Variants in PRCC observed in about 807,000 individuals in gnomAD.
The protein encoded by PRCC is proline-rich protein PRCC.
PRCC carries 10 observed loss-of-function variants against 44.0 expected under a neutral mutation model. The observed-to-expected ratio is 0.23, with a 90% confidence interval of 0.14 to 0.39. The LOEUF (loss-of-function observed/expected upper bound fraction) is 0.39. Among genes scored for constraint, PRCC ranks in the 10% least tolerant of loss-of-function variants. The probability of loss-of-function intolerance (pLI) is 1.00; values close to 1 mark genes in which losing one functional copy is unlikely to be tolerated. For synonymous variants in PRCC, 278 were observed against 259.5 expected (o/e 1.07, Z -0.69); for missense variants, 573 against 624.7 (o/e 0.92, Z 0.88).
chr1:156,794,827 T>C lies in PRCC; in HGVS notation c.1323+19T>C, dbSNP rs1247231321. On this transcript the variant is annotated intron_variant, in intron 5 of 6. Coordinates refer to ENST00000271526, the MANE Select transcript of PRCC (RefSeq NM_005973.5). ...CAGCAAAGTAAGTGGGAAACGTCTA[T>C]TGAGTGGTCAGCTTGGGAAGCTGCA... The C allele has an allele frequency of 1.2e-5, 20 of 1,613,892 alleles. No individual in the cohort carries two copies. The highest frequency in any genetic ancestry group is 1.6e-5 in the Non-Finnish European group (19 of 1,179,914).
chr1:156,798,990 A>G (rs1314020487), intron 6 of PRCC, among the ~76,000 whole-genome samples: 2 of 152,226 alleles, frequency 1.3e-5, no homozygotes, highest in Non-Finnish European at 2.9e-5. Context: ...TTAAGCAGGT[A>G]CAATACTTGA....
intron 5 of PRCC, 69 bp from the exon 6 acceptor site, chr1:156,797,207 C>G (rs1652686888): frequency 1.3e-6 from 2 of 1,593,990 alleles, no homozygotes; most frequent in Non-Finnish European, 1.7e-6. Context: ...TAACACCACA[C>G]CATCTGGGCA....
At chr1:156,799,640 G>C (rs1652773934) in intron 6 of PRCC, among the ~76,000 whole-genome samples, 1 of 152,008 alleles carries the variant, frequency 6.6e-6, no homozygotes, top group African/African-American at 2.4e-5. Context: ...GAAAGGATTT[G>C]AGAGTAGGAT....
At chr1:156,780,351 G>T (rs760214838) in intron 1 of PRCC, among the ~76,000 whole-genome samples, 8 of 152,010 alleles carry the variant, frequency 5.3e-5, no homozygotes, top group South Asian at 2.1e-4. Context: ...GAGCCACTGC[G>T]CCACACTGTC....
intron 1 of PRCC, among the ~76,000 whole-genome samples, chr1:156,781,111 TATC>T (rs1432241740): frequency 2.6e-5 from 4 of 152,140 alleles, no homozygotes; most frequent in Non-Finnish European, 5.9e-5. Flanking sequence ...ACTTTTTTCA[TATC>T]ATGGCACACA....
At chr1:156,786,552 C>T (rs1486988633) in intron 2 of PRCC, 56 bp from the exon 3 acceptor site, 8 of 1,519,818 alleles carry the variant, frequency 5.3e-6, no homozygotes, top group East Asian at 2.3e-5. Context: ...GTTGCTAGTA[C>T]ATAAAATCTC....
At chr1:156,778,275 G>A (rs545112660) in intron 1 of PRCC, among the ~76,000 whole-genome samples, 27 of 152,256 alleles carry the variant, frequency 1.8e-4, no homozygotes, top group African/African-American at 5.8e-4. Context: ...AAGTGAGAAC[G>A]TGTGCTATTT....
At chr1:156,778,817 T>C (rs886306109) in intron 1 of PRCC, among the ~76,000 whole-genome samples, 5 of 151,238 alleles carry the variant, frequency 3.3e-5, no homozygotes, top group African/African-American at 1.2e-4. Context: ...AATTTTTTTT[T>C]AGATGGAGTT....
Position 156,787,450 on chromosome 1 carries a change from GATATATATATATATATAT to G in PRCC, c.1083+307_1083+324del, listed in dbSNP as rs57206380. ...ATAATATTTGTACATATTTGTGATT[GATATATATATATATATAT>G]ATATATATATATATATATATATATA... On this transcript the variant is annotated intron_variant, in intron 3 of 6. Coordinates refer to ENST00000271526, the MANE Select transcript of PRCC (RefSeq NM_005973.5). Among the ~76,000 whole-genome samples, 682 of 124,900 alleles carry G rather than the reference GATATATATATATATATAT, an allele frequency of 5.5e-3. 11 individuals are homozygous for G. Among genetic ancestry groups the G allele is most frequent in the African/African-American group, 0.019 (600 of 30,800 alleles). 81.9% of individuals were successfully genotyped at this position (124,900 alleles called of 152,430 possible).
intron 4 of PRCC, among the ~76,000 whole-genome samples, chr1:156,792,268 G>A (rs1360627838): frequency 6.6e-6 from 1 of 151,796 alleles, no homozygotes; most frequent in Non-Finnish European, 1.5e-5. Flanking sequence ...GTCCATGATA[G>A]TTAAAGCTAC....
In PRCC at chr1:156,767,666, C is replaced by CGAAAA. The variant is rs1284965362; in HGVS notation, c.-105_-104insAAAAG. On this transcript the variant is annotated 5_prime_UTR_variant, in exon 1 of 7. Transcript: ENST00000271526. The stretch of plus-strand genomic sequence containing the variant: ...TAGAGTACGGAGCAGGCGGACTTTT[C>CGAAAA]GGTTCCCCGCCCCGCCAGGTGGCGG... The CGAAAA allele has an allele frequency of 5.8e-6, 7 of 1,208,766 alleles. No homozygotes were observed. In the African/African-American group the frequency reaches 1.1e-4, roughly 19 times the overall value. 74.9% of individuals were successfully genotyped at this position (1,208,766 alleles called of 1,614,324 possible). A position where few individuals can be genotyped will look rare whatever the true frequency, so the allele number is the denominator to read the frequency against.
intron 1 of PRCC, among the ~76,000 whole-genome samples, chr1:156,779,278 C>T (rs1240698628): frequency 6.7e-6 from 1 of 148,886 alleles, no homozygotes; most frequent in Non-Finnish European, 1.5e-5. Context: ...TCTCAGCCTC[C>T]CTAGTAGTTA....
chr1:156,790,158 T>C (rs1249378050), intron 3 of PRCC, among the ~76,000 whole-genome samples: 1 of 152,258 alleles, frequency 6.6e-6, no homozygotes, highest in Non-Finnish European at 1.5e-5. Flanking sequence ...TGGTCAGCAT[T>C]ATTGTTTTCA....
At chr1:156,788,316 C>T (rs1652347781) in intron 3 of PRCC, among the ~76,000 whole-genome samples, 1 of 152,194 alleles carries the variant, frequency 6.6e-6, no homozygotes, top group African/African-American at 2.4e-5. Flanking sequence ...CATGCTGCTG[C>T]AAAGGACATG....
intron 1 of PRCC, among the ~76,000 whole-genome samples, chr1:156,770,795 AAAT>A (rs1265478403): frequency 6.6e-6 from 1 of 152,234 alleles, no homozygotes; most frequent in Non-Finnish European, 1.5e-5. Context: ...TTCCTTAAGT[AAAT>A]AATTTCCCTT....
At position 156,800,422 on chromosome 1, in the gene PRCC, C is replaced by T. The variant is rs748857958; in HGVS notation, c.1438C>T (p.Leu480Phe). ...ELKNTWSENK[L>F]SRRQTQAKYG... The stretch of plus-strand genomic sequence containing the variant: ...GAAGAACACCTGGTCAGAGAACAAG[C>T]TCAGCCGCCGTCAGACCCAAGCCAA... Residue 480 changes from leucine (L) to phenylalanine (F), a missense_variant, in exon 7 of 7, where the codon CTC becomes TTC. Physicochemically the swap from Leu to Phe is conservative, Grantham distance 22. Coordinates refer to ENST00000271526, the MANE Select transcript of PRCC (RefSeq NM_005973.5). The T allele has an allele frequency of 6.2e-7, 1 of 1,614,162 alleles. No homozygotes were observed. Among genetic ancestry groups the T allele is most frequent in the Non-Finnish European group, 8.5e-7 (1 of 1,180,028 alleles).
At chr1:156,797,173 C>A in intron 5 of PRCC, 103 bp from the exon 6 acceptor site, 2 of 1,352,460 alleles carry the variant, frequency 1.5e-6, no homozygotes, top group Non-Finnish European at 2.1e-6. Context: ...AGGATTTGGG[C>A]TGTGGAATTG....
At chr1:156,780,911 T>C (rs561924833) in intron 1 of PRCC, among the ~76,000 whole-genome samples, 1 of 152,100 alleles carries the variant, frequency 6.6e-6, no homozygotes, top group Admixed American at 6.6e-5. Context: ...ATATTTTTAG[T>C]AGAGATAAGG....
At chr1:156,797,092 T>C (rs1287065095) in intron 5 of PRCC, 184 bp from the exon 6 acceptor site, 1 of 613,152 alleles carries the variant, frequency 1.6e-6, no homozygotes, top group East Asian at 2.9e-5. Flanking sequence ...GGGTTTTTTG[T>C]ATAATGGCTT....
Sources: allele counts gnomAD v4.1 joint callset (sites outside exome capture counted in the v4.1 genomes callset), GRCh38; gene constraint gnomAD v4.1.1; transcripts MANE v1.5; gene names NCBI Gene and HGNC (gene_info 2026-07-23, HGNC 2026-07-21).